TSPEAR: variants seen among roughly 807,000 people sequenced by gnomAD.
The protein encoded by TSPEAR is thrombospondin-type laminin G domain and EAR repeat-containing protein.
In TSPEAR, 69 loss-of-function variants were observed where a neutral mutation model predicts 71.6. That is an observed-to-expected ratio of 0.96 (90% CI 0.79 to 1.18). The LOEUF (loss-of-function observed/expected upper bound fraction) is 1.18, where lower values mean the gene tolerates loss of function less well. Among genes scored for constraint, TSPEAR ranks in the 50% most tolerant of loss-of-function variants. The pLI is 0.00. For synonymous variants in TSPEAR, 402 were observed against 387.2 expected (o/e 1.04, Z -0.45); for missense variants, 971 against 894.9 (o/e 1.09, Z -1.09).
rs146677260 is a variant in TSPEAR, at chr21:44,509,379, C to T, written c.1574G>A (p.Gly525Asp). The change falls in exon 10 of 12, where the codon GGT (glycine) becomes GAT (aspartate). Residue 525 changes from glycine to aspartate, a missense_variant. Coordinates refer to ENST00000323084, the MANE Select transcript of TSPEAR (RefSeq NM_144991.3). Reference sequence around the variant, plus strand: ...CTGGAAGACCTCCCAGTCTGCAGCACCGAACGTCTAGGACCAAAGGAGAGC... The same window carrying T: ...CTGGAAGACCTCCCAGTCTGCAGCATCGAACGTCTAGGACCAAAGGAGAGC... The part of the protein sequence containing the change: ...FQLFQSFPTF[G>D]AADWEVFQIG... The T allele has an allele frequency of 1.0e-4, 166 of 1,612,224 alleles. No homozygotes were observed. The highest frequency in any genetic ancestry group is 1.3e-4 in the Non-Finnish European group (155 of 1,179,442).
chr21:44,529,991 G>C lies in TSPEAR; in HGVS notation c.634-37C>G, dbSNP rs587637038. 7 of 1,518,904 alleles carry C rather than the reference G, an allele frequency of 4.6e-6. No individual in the cohort carries two copies. In the South Asian group the frequency reaches 7.7e-5, roughly 17 times the overall value. The allele number at this position is 1,518,904 out of a possible 1,614,324, so 94.1% of individuals were successfully genotyped here. The stretch of plus-strand genomic sequence containing the variant: ...GGGACAGCTCCTTCAGGCCCGCGCT[G>C]CTGGGGAAGGACCCGCTGAGGAGGC... On this transcript the variant is annotated intron_variant, in intron 4 of 11. Coordinates refer to ENST00000323084, the MANE Select transcript of TSPEAR (RefSeq NM_144991.3).
At chr21:44,674,309 A>T (rs868988083) in intron 1 of TSPEAR, among the ~76,000 whole-genome samples, 40 of 151,502 alleles carry the variant, frequency 2.6e-4, no homozygotes, top group African/African-American at 6.1e-4. Flanking sequence ...TTAAAAAGAT[A>T]AAAAAAAATC....
chr21:44,581,518 A>AT (rs1412091166), intron 1 of TSPEAR, among the ~76,000 whole-genome samples: 15 of 152,180 alleles, frequency 9.9e-5, no homozygotes, highest in Admixed American at 7.8e-4. Flanking sequence ...GTCATTTGTC[A>AT]TTTTTTATAG....
chr21:44,587,882 G>A (rs1311539050), intron 1 of TSPEAR, among the ~76,000 whole-genome samples: 1 of 152,172 alleles, frequency 6.6e-6, no homozygotes, highest in Non-Finnish European at 1.5e-5. Flanking sequence ...ACTCAAGATG[G>A]ATCAAGGACT....
At chr21:44,670,435 T>C (rs977335762) in intron 1 of TSPEAR, among the ~76,000 whole-genome samples, 3 of 145,602 alleles carry the variant, frequency 2.1e-5, no homozygotes, top group Admixed American at 6.9e-5. Context: ...AAGAAGCAAC[T>C]GGAATTCAGC....
At chr21:44,671,575 C>T (rs587669411) in intron 1 of TSPEAR, among the ~76,000 whole-genome samples, 1 of 152,358 alleles carries the variant, frequency 6.6e-6, no homozygotes, top group East Asian at 1.9e-4. Flanking sequence ...CTGAGGAAAT[C>T]ACAAACACTA....
chr21:44,706,507 C>T (rs1555952419), intron 1 of TSPEAR, among the ~76,000 whole-genome samples: 1 of 152,022 alleles, frequency 6.6e-6, no homozygotes, highest in Non-Finnish European at 1.5e-5. Context: ...ACACCGCTGT[C>T]CCCAGCCGTG....
At chr21:44,672,854 C>G (rs1257148563) in intron 1 of TSPEAR, among the ~76,000 whole-genome samples, 1 of 152,210 alleles carries the variant, frequency 6.6e-6, no homozygotes, top group Non-Finnish European at 1.5e-5. Context: ...TCCCCCTTTT[C>G]TCTCTTCCTC....
At chr21:44,648,642 C>T (rs921091733) in intron 1 of TSPEAR, among the ~76,000 whole-genome samples, 4 of 152,188 alleles carry the variant, frequency 2.6e-5, no homozygotes, top group African/African-American at 4.8e-5. Context: ...GCACAGGGCG[C>T]ACCAACATTG....
chr21:44,707,498 G>A (rs1237216810), intron 1 of TSPEAR, among the ~76,000 whole-genome samples: 1 of 152,188 alleles, frequency 6.6e-6, no homozygotes, highest in Non-Finnish European at 1.5e-5. Flanking sequence ...GAGACCCTTG[G>A]CTTGTCTGGA....
intron 1 of TSPEAR, among the ~76,000 whole-genome samples, chr21:44,599,172 C>CTATGTA (rs1372930980): frequency 6.9e-6 from 1 of 145,952 alleles, no homozygotes; most frequent in Non-Finnish European, 1.5e-5. Context: ...CTCTCTCTCT[C>CTATGTA]CTTCCATCCC....
chr21:44,540,797 G>A (rs144368787), intron 2 of TSPEAR, among the ~76,000 whole-genome samples: 1 of 152,318 alleles, frequency 6.6e-6, no homozygotes, highest in African/African-American at 2.4e-5. Context: ...CCCTCCCCAC[G>A]GCCTTCCCCG....
intron 3 of TSPEAR, among the ~76,000 whole-genome samples, chr21:44,531,881 G>T (rs907062131): frequency 6.6e-6 from 1 of 152,260 alleles, no homozygotes; most frequent in East Asian, 1.9e-4. Flanking sequence ...GAGGGACAGC[G>T]TGGCTAGAGC....
chr21:44,642,980 T>G lies in TSPEAR; in HGVS notation c.82+68453A>C, dbSNP rs898152337. 2.9e-4 allele frequency among the ~76,000 whole-genome samples: 44 copies of G among 152,158 alleles called. No individual in the cohort carries two copies. Among genetic ancestry groups the G allele is most frequent in the Admixed American group, 2.6e-4 (4 of 15,270 alleles). On this transcript the variant is annotated intron_variant, in intron 1 of 11. Coordinates refer to ENST00000323084, the MANE Select transcript of TSPEAR (RefSeq NM_144991.3). The surrounding 1 kb of genome is among the most constrained non-coding windows in gnomAD (Gnocchi z 4.1). ...CACTGCCATGCTAACTGCAGCACTATTCACAACAGCAAAGATACGGAAGCA... is the reference window on the plus strand; with the variant it reads ...CACTGCCATGCTAACTGCAGCACTAGTCACAACAGCAAAGATACGGAAGCA...
At chr21:44,574,749 G>A in intron 1 of TSPEAR, 2 of 1,613,014 alleles carry the variant, frequency 1.2e-6, no homozygotes, top group South Asian at 1.1e-5. Flanking sequence ...CTGTGTGCCT[G>A]TTTGCTCTGG....
At chr21:44,528,794 C>T (rs587769533) in intron 5 of TSPEAR, among the ~76,000 whole-genome samples, 37 of 152,324 alleles carry the variant, frequency 2.4e-4, no homozygotes, top group African/African-American at 8.9e-4. Context: ...ATCATGATGC[C>T]CCCTATATGG....
At chr21:44,580,796 ATC>A (rs1978921201) in intron 1 of TSPEAR, among the ~76,000 whole-genome samples, 1 of 151,862 alleles carries the variant, frequency 6.6e-6, no homozygotes, top group African/African-American at 2.4e-5. Context: ...ATGCTGGTTT[ATC>A]TGTTTGTTTT....
intron 2 of TSPEAR, among the ~76,000 whole-genome samples, chr21:44,566,433 A>G (rs1258709348): frequency 6.6e-6 from 1 of 152,180 alleles, no homozygotes; most frequent in Non-Finnish European, 1.5e-5. Context: ...TAACATGACA[A>G]TACTCCCCAA....
intron 11 of TSPEAR, among the ~76,000 whole-genome samples, chr21:44,503,150 GGCCGGCCTCGGTGAGCCCTTGGGTGGAA>G (rs2052080656): frequency 7.9e-6 from 1 of 127,100 alleles, no homozygotes; most frequent in Non-Finnish European, 1.6e-5. Context: ...TCTGGGAGGA[GGCCGGCCTCGGTGAGCCCTTGGGTGGAA>G]GCCGGCCTTG....
Sources: gnomAD v4.1 joint callset for allele counts (sites outside exome capture counted in the v4.1 genomes callset) on GRCh38, gnomAD v4.1.1 for gene constraint, Gnocchi (gnomAD v3.1) non-coding constraint, MANE v1.5 for transcripts, NCBI Gene and HGNC (gene_info 2026-07-23, HGNC 2026-07-21) for gene names.